The following KIAA1217 variants were observed in gnomAD, a reference collection of about 807,000 sequenced individuals.
KIAA1217 encodes the protein sickle tail protein homolog.
KIAA1217 carries 88 observed loss-of-function variants against 163.9 expected under a neutral mutation model. The ratio of observed to expected loss-of-function variants is 0.54; its 90% CI spans 0.45 to 0.64. The LOEUF is 0.64. Among genes scored for constraint, KIAA1217 ranks in the 30% least tolerant of loss-of-function variants. The pLI, the probability that KIAA1217 is intolerant of heterozygous loss-of-function variation, is 0.00. For synonymous variants in KIAA1217, 903 were observed against 923.1 expected, an observed-to-expected ratio of 0.98 and a Z score of 0.39; for missense variants, 2,372 against 2,475.0, an observed-to-expected ratio of 0.96 and a Z score of 0.88.
At chr10:24,148,952 CTG>C (rs556341977) in intron 2 of KIAA1217, among the ~76,000 whole-genome samples, 172 of 152,222 alleles carry the variant, frequency 1.1e-3, no homozygotes, top group African/African-American at 3.9e-3. Context: ...ATGGAAACTT[CTG>C]TGAGTTTTTT....
chr10:23,762,154 G>A (rs1395583883), intron 1 of KIAA1217, among the ~76,000 whole-genome samples: 1 of 151,984 alleles, frequency 6.6e-6, no homozygotes, highest in Non-Finnish European at 1.5e-5. Context: ...AAAAGCCCAG[G>A]ACCAGATGGA....
chr10:24,166,176 A>G (rs1276549871), intron 2 of KIAA1217, among the ~76,000 whole-genome samples: 1 of 152,064 alleles, frequency 6.6e-6, no homozygotes, highest in South Asian at 2.1e-4. Context: ...GAAAAAAAAA[A>G]CACCACCCTC....
At chr10:23,945,848 G>A (rs4748918) in intron 1 of KIAA1217, among the ~76,000 whole-genome samples, 44,390 of 151,964 alleles carry the variant, frequency 0.29, 6,893 homozygotes, top group African/African-American at 0.4. Flanking sequence ...GAAAGAAGTA[G>A]AGAGTCTAAT....
chr10:24,415,343 G>A (rs1342861985), intron 3 of KIAA1217, among the ~76,000 whole-genome samples: 1 of 151,828 alleles, frequency 6.6e-6, no homozygotes, highest in African/African-American at 2.4e-5. Context: ...TCGAACTCCT[G>A]ACCTCAGGTA....
At chr10:24,469,831 C>T (rs540843440) in intron 5 of KIAA1217, among the ~76,000 whole-genome samples, 1 of 152,122 alleles carries the variant, frequency 6.6e-6, no homozygotes, top group African/African-American at 2.4e-5. Context: ...AGGCTGGTCT[C>T]GAACTCCTGA....
At chr10:24,028,465 T>C (rs1320197487) in intron 2 of KIAA1217, among the ~76,000 whole-genome samples, 2 of 152,266 alleles carry the variant, frequency 1.3e-5, no homozygotes, top group Non-Finnish European at 2.9e-5. Context: ...CTTGATAACA[T>C]TTATGTCGAC....
In KIAA1217 at chr10:24,473,407, C is replaced by G. The variant is rs756372204; in HGVS notation, c.1026C>G (p.Gly342=). 1 of 1,613,882 alleles carries G rather than the reference C, an allele frequency of 6.2e-7. No individual in the cohort carries two copies. The highest frequency in any genetic ancestry group is 8.5e-7 in the Non-Finnish European group (1 of 1,179,866). ...GCACCCGCTCCATGGTTGTTCCTGG[C>G]AATGCCACCATCCCCAGGGACAGAA... ...YGGTRSMVVP[G]NATIPRDRIS... The change falls in exon 6 of 21, where the codon GGC becomes GGG. Residue 342 remains glycine (G), a synonymous_variant. Coordinates refer to ENST00000376454, the MANE Select transcript of KIAA1217 (RefSeq NM_019590.5).
At chr10:24,017,767 C>A (rs777261683) in intron 2 of KIAA1217, among the ~76,000 whole-genome samples, 3 of 152,024 alleles carry the variant, frequency 2.0e-5, no homozygotes, top group Non-Finnish European at 4.4e-5. Context: ...GGGAGTTTAC[C>A]TTTTGCTTGT....
chr10:24,491,286 CTTTTTTTTT>C (rs1169407580), intron 6 of KIAA1217, among the ~76,000 whole-genome samples: 1 of 114,738 alleles, frequency 8.7e-6, no homozygotes, highest in Non-Finnish European at 1.7e-5. Context: ...TTTTTTTTTC[CTTTTTTTTT>C]TTTTTTTTTT....
At chr10:23,976,020 C>T (rs939008906) in intron 1 of KIAA1217, among the ~76,000 whole-genome samples, 6 of 152,144 alleles carry the variant, frequency 3.9e-5, no homozygotes, top group Non-Finnish European at 8.8e-5. Flanking sequence ...AACCTATCAT[C>T]CACAGATCCA....
intron 1 of KIAA1217, among the ~76,000 whole-genome samples, chr10:23,988,415 C>G (rs1305193564): frequency 6.6e-6 from 1 of 152,192 alleles, no homozygotes; most frequent in Non-Finnish European, 1.5e-5. Context: ...AAGCTAGTAG[C>G]AAATTTACAT....
intron 1 of KIAA1217, among the ~76,000 whole-genome samples, chr10:23,863,965 G>T (rs1840065531): frequency 6.6e-6 from 1 of 152,106 alleles, no homozygotes; most frequent in Non-Finnish European, 1.5e-5. Flanking sequence ...TAATAAAAAT[G>T]AAATGACAGT....
chr10:24,090,332 CTTTTTTTTTTTT>C lies in KIAA1217; in HGVS notation c.-171+82975_-171+82986del, dbSNP rs35966270. Among the ~76,000 whole-genome samples, 12 of 58,936 alleles carry C rather than the reference CTTTTTTTTTTTT, an allele frequency of 2.0e-4. 1 individual carries two copies. The highest frequency in any genetic ancestry group is 1.3e-3 in the East Asian group (3 of 2,292). 38.7% of individuals were successfully genotyped at this position (58,936 alleles called of 152,430 possible). On this transcript the variant is annotated intron_variant, in intron 2 of 18. Coordinates refer to the KIAA1217 transcript ENST00000376462. Reference sequence around the variant, plus strand: ...CAGGCATGCACCCTCACATCCTGCTCTTTTTTTTTTTTTTTTTTTTTTTTTTTTGAAGAGACA... The same window carrying C: ...CAGGCATGCACCCTCACATCCTGCTCTTTTTTTTTTTTTTTTGAAGAGACA...
intron 1 of KIAA1217, among the ~76,000 whole-genome samples, chr10:23,952,421 T>C (rs1464986526): frequency 6.6e-6 from 1 of 152,224 alleles, no homozygotes; most frequent in Non-Finnish European, 1.5e-5. Context: ...CCGGATTTAA[T>C]CTGTCTTTGA....
intron 2 of KIAA1217, among the ~76,000 whole-genome samples, chr10:24,063,119 G>A (rs1239191059): frequency 1.3e-5 from 2 of 151,816 alleles, no homozygotes; most frequent in African/African-American, 4.8e-5. Context: ...GGTTTCTTTT[G>A]CTGTGCAGAA....
intron 1 of KIAA1217, among the ~76,000 whole-genome samples, chr10:23,772,562 T>C (rs1020966925): frequency 2.0e-5 from 3 of 152,214 alleles, no homozygotes; most frequent in Non-Finnish European, 4.4e-5. Flanking sequence ...AGGAAGGTAC[T>C]GTAATCACTC....
At position 24,531,972 on chromosome 10, in the gene KIAA1217, A is replaced by C; in HGVS notation, c.3225A>C (p.Arg1075Ser). Reference sequence around the variant, plus strand: ...CAGGCGATGTGGTCTACACCGGCAGAAAGGAGAACATCACCGCTAAGGTCT... The same window carrying C: ...CAGGCGATGTGGTCTACACCGGCAGCAAGGAGAACATCACCGCTAAGGTCT... ...TRSGDVVYTG[R>S]KENITAKASS... The change falls in exon 15 of 21, where the codon AGA becomes AGC. Residue 1075 changes from arginine (R) to serine (S), a missense_variant. Transcript: ENST00000376454. 1 of 1,580,604 alleles carries C rather than the reference A, an allele frequency of 6.3e-7. No homozygotes were observed. Among genetic ancestry groups the C allele is most frequent in the Non-Finnish European group, 8.6e-7 (1 of 1,159,568 alleles).
chr10:23,914,095 G>A (rs940265879), intron 1 of KIAA1217, among the ~76,000 whole-genome samples: 1 of 152,108 alleles, frequency 6.6e-6, no homozygotes, highest in Non-Finnish European at 1.5e-5. Context: ...CTAGTCTGGA[G>A]GCCAAGTAAG....
rs113856876 is a variant in KIAA1217 at position 23,839,478 on chromosome 10, C to T, written c.-321+144244C>T. On this transcript the variant is annotated intron_variant, in intron 1 of 18. Transcript: ENST00000376462. ...AGGGCAAGCGAAATCTCCTTAGTGT[C>T]TCTAACTCTTCACCTGGTCACTGTT... Among the ~76,000 whole-genome samples, 730 of 152,248 alleles carry T rather than the reference C, an allele frequency of 4.8e-3. 9 individuals carry two copies. The highest frequency in any genetic ancestry group is 0.016 in the African/African-American group (660 of 41,546).
Sources: allele counts gnomAD v4.1 joint callset (sites outside exome capture counted in the v4.1 genomes callset), GRCh38; gene constraint gnomAD v4.1.1; transcripts MANE v1.5; gene names NCBI Gene and HGNC (gene_info 2026-07-23, HGNC 2026-07-21).